The following RNF103 variants were observed in gnomAD, a reference collection of about 807,000 sequenced individuals.
The protein encoded by RNF103 is E3 ubiquitin-protein ligase RNF103.
A neutral mutation model predicts 66.2 loss-of-function variants in RNF103; 23 were observed. That is an observed-to-expected ratio of 0.35 (90% CI 0.25 to 0.49). RNF103 has a LOEUF of 0.49. Among genes scored for constraint, RNF103 ranks in the 20% least tolerant of loss-of-function variants. RNF103 has a pLI of 0.98. For synonymous variants in RNF103, 297 were observed against 289.9 expected, an observed-to-expected ratio of 1.02 and a Z score of -0.25; for missense variants, 730 against 814.7, an observed-to-expected ratio of 0.90 and a Z score of 1.27.
In RNF103 at chr2:86,623,061, C is replaced by T. The variant is rs1367152909; in HGVS notation, c.-175G>A. The T allele has an allele frequency of 3.8e-6, 5 of 1,305,012 alleles. No individual in the cohort carries two copies. In the Admixed American group the frequency reaches 1.7e-4, roughly 44 times the overall value. The allele number at this position is 1,305,012 out of a possible 1,614,324, so 80.8% of individuals were successfully genotyped here. ...GCGGGGAAGCAGGTGACGGGATCCG[C>T]GCGGGCGCGAGGCGGCGACGAGGGA... On this transcript the variant is annotated 5_prime_UTR_variant, in exon 1 of 4. Coordinates refer to ENST00000237455, the MANE Select transcript of RNF103 (RefSeq NM_005667.4).
chr2:86,622,916 A>G lies in RNF103; in HGVS notation c.-30T>C. 6.4e-7 allele frequency: 1 copy of G among 1,560,348 alleles called. No individual in the cohort carries two copies. The highest frequency in any genetic ancestry group is 8.7e-7 in the Non-Finnish European group (1 of 1,152,224). On this transcript the variant is annotated 5_prime_UTR_variant, in exon 1 of 4. Transcript: ENST00000237455. The stretch of plus-strand genomic sequence containing the variant: ...CCTGGAGTTTCCTCTCTTTCCAGAG[A>G]GCTCGGAATACGGGAGAGAGAAGGG...
chr2:86,612,360 T>TAA, intron 2 of RNF103, 86 bp from the exon 3 acceptor site: 1 of 714,856 alleles, frequency 1.4e-6, no homozygotes, highest in East Asian at 2.6e-5. Flanking sequence ...TAATTTCACT[T>TAA]AAAAAAAAAG....
At chr2:86,614,965 T>C in intron 2 of RNF103, 1 of 985,382 alleles carries the variant, frequency 1.0e-6, no homozygotes, top group Non-Finnish European at 1.2e-6. Flanking sequence ...GCCTCGCCAG[T>C]GTAAATATTT....
rs1679319032 is a variant in RNF103, at chr2:86,623,461, G to A, written c.-575C>T. ...GGCCCAGCGTGTTCTGCGCGGGGAG[G>A]AGCGGCCGCCGCAACGCCGCGCCCG... is the stretch of plus-strand genomic sequence containing the variant. On this transcript the variant is annotated 5_prime_UTR_variant, in exon 1 of 4. Transcript: ENST00000237455. The A allele has an allele frequency of 8.1e-6, 8 of 982,162 alleles. No homozygotes were observed. Among genetic ancestry groups the A allele is most frequent in the Admixed American group, 6.2e-5 (1 of 16,018 alleles). The allele number at this position is 982,162 out of a possible 1,614,324, so 60.8% of individuals were successfully genotyped here. A position where few individuals can be genotyped will look rare whatever the true frequency, so the allele number is the denominator to read the frequency against.
rs770659862 is a variant in RNF103, at chr2:86,604,938, G to C, written c.963C>G (p.Pro321=). The change falls in exon 4 of 4, where the codon CCC becomes CCG. Residue 321 remains proline, a synonymous_variant. Transcript: ENST00000237455. ...AMDSFLRSLQ[P]EVNDLFVLSL... is the part of the protein sequence containing the mutation. ...TCAAAACAAACAGATCATTTACCTC[G>C]GGTTGTAATGAGCGCAAAAATGAAT... 1 of 1,613,888 alleles carries C rather than the reference G, an allele frequency of 6.2e-7. No homozygotes were observed. The highest frequency in any genetic ancestry group is 1.3e-5 in the African/African-American group (1 of 74,880).
At position 86,603,850 on chromosome 2, in the gene RNF103, G is replaced by A; in HGVS notation, c.2051C>T (p.Pro684Leu). ...AQHQPLSNDVPS is the reference protein window; with the variant it reads ...AQHQPLSNDVLS ...AGGACAAATTGCACATGGTTAAGAT[G>A]GGACATCATTTGACAAGGGCTGGTG... Residue 684 changes from proline (P) to leucine (L), a missense_variant, in exon 4 of 4, where the codon CCA becomes CTA. By Grantham distance (98) the Pro-to-Leu change is moderately conservative. This residue lies in a region of RNF103 where 355 missense variants were observed against 351.9 expected (regional missense o/e 1.01). Coordinates refer to ENST00000237455, the MANE Select transcript of RNF103 (RefSeq NM_005667.4). The A allele has an allele frequency of 6.2e-7, 1 of 1,610,176 alleles. No homozygotes were observed. The highest frequency in any genetic ancestry group is 8.5e-7 in the Non-Finnish European group (1 of 1,178,384).
chr2:86,615,980 C>T (rs967040674), intron 2 of RNF103, among the ~76,000 whole-genome samples: 1 of 152,200 alleles, frequency 6.6e-6, no homozygotes, highest in Non-Finnish European at 1.5e-5. Flanking sequence ...TACACAGAGT[C>T]TCTAAAGGAA....
intron 3 of RNF103, among the ~76,000 whole-genome samples, chr2:86,611,591 A>AT (rs993754129): frequency 2.6e-5 from 4 of 152,150 alleles, no homozygotes; most frequent in African/African-American, 9.7e-5. Flanking sequence ...ACCTCTGAGG[A>AT]TTCTTATTTG....
chr2:86,618,038 A>C, intron 2 of RNF103: 1 of 454,682 alleles, frequency 2.2e-6, no homozygotes. Context: ...CAGGTGTCCT[A>C]CTGCATTATT....
Position 86,623,119 on chromosome 2 carries a change from C to T in RNF103, c.-233G>A, listed in dbSNP as rs978695238. 2.3e-5 allele frequency: 28 copies of T among 1,225,342 alleles called. No homozygotes were observed. The highest frequency in any genetic ancestry group is 2.6e-5 in the Non-Finnish European group (26 of 985,304). 75.9% of individuals were successfully genotyped at this position (1,225,342 alleles called of 1,614,324 possible). ...ACGCAGAGCCTCGCGCCGGGCCTCC[C>T]AGTCAAGAGCCGACAAAAATAAAGG... On this transcript the variant is annotated 5_prime_UTR_variant, in exon 1 of 4. It introduces an in-frame stop codon into an upstream open reading frame of the 5' UTR. Coordinates refer to ENST00000237455, the MANE Select transcript of RNF103 (RefSeq NM_005667.4).
rs1678427757 is a variant in RNF103, at chr2:86,603,611, C to G, written c.*232G>C. The stretch of plus-strand genomic sequence containing the variant: ...TACTTCTTTTGTGCTTACAAAAAAA[C>G]ATTAACTTCTGAATTTCCAATGTTG... On this transcript the variant is annotated 3_prime_UTR_variant, in exon 4 of 4. Coordinates refer to ENST00000237455, the MANE Select transcript of RNF103 (RefSeq NM_005667.4). 1.9e-6 allele frequency: 1 copy of G among 524,926 alleles called. No individual in the cohort carries two copies. The highest frequency in any genetic ancestry group is 2.0e-5 in the African/African-American group (1 of 51,130). The allele number at this position is 524,926 out of a possible 1,614,324, so 32.5% of individuals were successfully genotyped here.
At chr2:86,619,964 A>G (rs2104262333) in intron 2 of RNF103, among the ~76,000 whole-genome samples, 1 of 152,338 alleles carries the variant, frequency 6.6e-6, no homozygotes, top group South Asian at 2.1e-4. Flanking sequence ...TACTCAGGCC[A>G]CTGAATTAAA....
At position 86,605,270 on chromosome 2, in the gene RNF103, C is replaced by G; in HGVS notation, c.631G>C (p.Ala211Pro). The G allele has an allele frequency of 1.2e-6, 2 of 1,614,144 alleles. No homozygotes were observed. Among genetic ancestry groups the G allele is most frequent in the Non-Finnish European group, 1.7e-6 (2 of 1,180,014 alleles). Reference protein sequence around the residue: ...HIFKWITAHAASRIKTIYNAE... With the variant: ...HIFKWITAHAPSRIKTIYNAE... ...TTATAAATGGTTTTGATCCGAGAAG[C>G]TGCATGAGCAGTTATCCATTTAAAA... Residue 211 changes from alanine (A) to proline (P), a missense_variant, in exon 4 of 4, where the codon GCT becomes CCT. Ala to Pro is a conservative substitution (Grantham distance 27). Coordinates refer to ENST00000237455, the MANE Select transcript of RNF103 (RefSeq NM_005667.4).
At chr2:86,614,774 G>A (rs1307225233) in intron 2 of RNF103, 1 of 976,620 alleles carries the variant, frequency 1.0e-6, no homozygotes, top group Admixed American at 6.2e-5. Flanking sequence ...TTATTTTTCA[G>A]ATTCCTTAGG....
chr2:86,617,893 T>C, intron 2 of RNF103: 3 of 1,031,170 alleles, frequency 2.9e-6, no homozygotes, highest in Non-Finnish European at 1.3e-6. Flanking sequence ...AATCTCATTC[T>C]TCTCAGTTGT....
chr2:86,612,485 T>G lies in RNF103; in HGVS notation c.367-211A>C, dbSNP rs1474367091. 6.8e-6 allele frequency: 3 copies of G among 438,538 alleles called. No individual in the cohort carries two copies. In the Admixed American group the frequency reaches 1.3e-4, roughly 19 times the overall value. The allele number at this position is 438,538 out of a possible 1,614,324, so 27.2% of individuals were successfully genotyped here. A position where few individuals can be genotyped will look rare whatever the true frequency, so the allele number is the denominator to read the frequency against. ...TGAAACACTGAAACGTAAATTAAAC[T>G]CTCCCACACTCTGTGGCAGTTACAA... On this transcript the variant is annotated intron_variant, in intron 2 of 3. Transcript: ENST00000237455.
intron 2 of RNF103, among the ~76,000 whole-genome samples, chr2:86,615,537 T>TATATATATATATAA: frequency 6.9e-6 from 1 of 145,844 alleles, no homozygotes; most frequent in East Asian, 2.0e-4. Flanking sequence ...TATATATATA[T>TATATATATATATAA]AATATATATA....
intron 2 of RNF103, among the ~76,000 whole-genome samples, chr2:86,616,164 C>G (rs1427189045): frequency 1.3e-5 from 2 of 152,124 alleles, no homozygotes; most frequent in Admixed American, 1.3e-4. Context: ...TTAAAATGCC[C>G]ATTATTTAGA....
At chr2:86,621,446 CT>C (rs1679223706) in intron 1 of RNF103, among the ~76,000 whole-genome samples, 1 of 152,178 alleles carries the variant, frequency 6.6e-6, no homozygotes, top group African/African-American at 2.4e-5. Flanking sequence ...CTTCTTCCCC[CT>C]ATGGTAGAAA....
Sources: gnomAD v4.1 joint callset for allele counts (sites outside exome capture counted in the v4.1 genomes callset) on GRCh38, gnomAD v4.1.1 for gene constraint, gnomAD v4.1.1 regional missense constraint, MANE v1.5 for transcripts, NCBI Gene and HGNC (gene_info 2026-07-23, HGNC 2026-07-21) for gene names.